The following MYO19 variants were observed in gnomAD, a reference collection of about 807,000 sequenced individuals.
MYO19 encodes myosin XIX, also known as unconventional myosin-XIX.
MYO19 carries 132 observed loss-of-function variants against 129.2 expected under a neutral mutation model. The observed-to-expected ratio is 1.02, with a 90% CI of 0.89 to 1.18. MYO19 has a LOEUF of 1.18. Ranked by LOEUF, MYO19 falls within the 50% of genes most tolerant of loss-of-function variation. MYO19 has a pLI of 0.00. For missense variants in MYO19, 1,210 were observed against 1,216.7 expected (o/e 0.99, Z 0.08); for synonymous variants, 531 against 477.2 (o/e 1.11, Z -1.47).
In MYO19 at chr17:36,532,608, G is replaced by A; in HGVS notation, c.-70C>T. The A allele has an allele frequency of 6.5e-7, 1 of 1,532,874 alleles. No homozygotes were observed. 95.0% of individuals were successfully genotyped at this position (1,532,874 alleles called of 1,614,324 possible). ...CAAGGAGTACTATCCACCTAGTCAT[G>A]GGACCATGGGCTGGGGTATGGTTCC... On this transcript the variant is annotated 5_prime_UTR_variant, in exon 3 of 26. Coordinates refer to ENST00000614623, the MANE Select transcript of MYO19 (RefSeq NM_001163735.2).
At chr17:36,541,710 T>G (rs556565883) in intron 2 of MYO19, among the ~76,000 whole-genome samples, 3 of 152,224 alleles carry the variant, frequency 2.0e-5, no homozygotes, top group African/African-American at 7.2e-5. Flanking sequence ...AATGAAATAA[T>G]AGGCAACAGA....
At position 36,506,536 on chromosome 17, in the gene MYO19, T is replaced by C. The variant is rs751134464; in HGVS notation, c.1717A>G (p.Thr573Ala). The C allele has an allele frequency of 8.8e-6, 14 of 1,598,582 alleles. No individual in the cohort carries two copies. The highest frequency in any genetic ancestry group is 1.1e-5 in the South Asian group (1 of 88,816). The change falls in exon 18 of 26, where the codon ACT (threonine) becomes GCT (alanine). Residue 573 changes from threonine to alanine, a missense_variant. Coordinates refer to ENST00000614623, the MANE Select transcript of MYO19 (RefSeq NM_001163735.2). The part of the protein sequence containing the change: ...QDPLLMGLFP[T>A]NPKEKTQEEP... ...TCCTGGGTCTTCTCTTTGGGGTTAG[T>C]AGGAAACAGCCCCATGAGCAGGGGG...
In MYO19 at chr17:36,514,480, G is replaced by C. The variant is rs1056057272; in HGVS notation, c.686C>G (p.Ala229Gly). ...LLEKTRVACQ[A>G]SSERNFHIFY... ...GATGTGGAAGTTCCTCTCACTGGAA[G>C]CCTGGCAGGCCACTCGAGTTTTCTC... The change falls in exon 9 of 26, where the codon GCT becomes GGT. Residue 229 changes from alanine (A) to glycine (G), a missense_variant. Coordinates refer to ENST00000614623, the MANE Select transcript of MYO19 (RefSeq NM_001163735.2). The C allele has an allele frequency of 6.2e-7, 1 of 1,613,472 alleles. No homozygotes were observed. The highest frequency in any genetic ancestry group is 1.3e-5 in the African/African-American group (1 of 74,928).
At chr17:36,505,540 G>A in intron 18 of MYO19, 136 bp from the exon 19 acceptor site, 1 of 638,238 alleles carries the variant, frequency 1.6e-6, no homozygotes, top group Non-Finnish European at 2.8e-6. Context: ...TCCTGTGCAG[G>A]GATGACTGCT....
intron 4 of MYO19, 83 bp from the exon 5 acceptor site, chr17:36,527,782 C>T: frequency 1.4e-6 from 2 of 1,421,566 alleles, no homozygotes; most frequent in Non-Finnish European, 1.9e-6. Flanking sequence ...TAAGTAACAG[C>T]CCTCTTTCTG....
chr17:36,505,342 G>A lies in MYO19; in HGVS notation c.1860C>T (p.Ile620=). Residue 620 remains isoleucine (I), a synonymous_variant, in exon 19 of 26, where the codon ATC becomes ATT. Transcript: ENST00000614623. The stretch of plus-strand genomic sequence containing the variant: ...GCGCCTGGCCCTGGCTGTTGGGCTT[G>A]ATGCAGCGAATGTAGTGGGGCGTGG... The part of the protein sequence containing the change: ...HSTTPHYIRC[I]KPNSQGQAQT... 6.2e-7 allele frequency: 1 copy of A among 1,614,246 alleles called. No homozygotes were observed. The highest frequency in any genetic ancestry group is 8.5e-7 in the Non-Finnish European group (1 of 1,180,042).
intron 13 of MYO19, among the ~76,000 whole-genome samples, chr17:36,510,458 T>C (rs1390831507): frequency 6.6e-6 from 1 of 152,234 alleles, no homozygotes; most frequent in Non-Finnish European, 1.5e-5. Flanking sequence ...GCAGGTTCTC[T>C]TCACCTTGCT....
At chr17:36,504,307 A>G in intron 19 of MYO19, 1 of 411,284 alleles carries the variant, frequency 2.4e-6, no homozygotes, top group Non-Finnish European at 4.3e-6. Context: ...CCCTGCCCTC[A>G]GTGTAGTCTC....
At chr17:36,517,212 A>G (rs1419553397) in intron 6 of MYO19, among the ~76,000 whole-genome samples, 1 of 152,132 alleles carries the variant, frequency 6.6e-6, no homozygotes, top group East Asian at 1.9e-4. Context: ...CTGGTGATTT[A>G]CATCTTTTTT....
intron 23 of MYO19, chr17:36,500,523 A>C: frequency 2.8e-6 from 1 of 352,974 alleles, no homozygotes; most frequent in Non-Finnish European, 5.2e-6. Context: ...AGTTGTCATA[A>C]AGGGAAAAAA....
rs761019363 is a variant in MYO19, at chr17:36,505,203, A to C, written c.1905+94T>G. The C allele has an allele frequency of 8.1e-6, 9 of 1,114,564 alleles. No homozygotes were observed. The East Asian group carries it at 2.1e-4, about 26-fold the overall frequency. 69.0% of individuals were successfully genotyped at this position (1,114,564 alleles called of 1,614,324 possible). On this transcript the variant is annotated intron_variant, in intron 19 of 25. Transcript: ENST00000614623. ...CTGGCCGGAGAGACCACTTCTGTGC[A>C]CTCCATTTGGAACAGATGTCCTGCC... is the stretch of plus-strand genomic sequence containing the variant.
intron 6 of MYO19, among the ~76,000 whole-genome samples, chr17:36,518,981 G>T (rs2072979639): frequency 6.6e-6 from 1 of 152,010 alleles, no homozygotes; most frequent in Admixed American, 6.6e-5. Context: ...TAATCTTTTT[G>T]TTTTTTGTTT....
In MYO19 at chr17:36,506,564, C is replaced by T. The variant is rs572007132; in HGVS notation, c.1689G>A (p.Gln563=). ...PELTRLLQQS[Q]DPLLMGLFPT... is the part of the protein sequence containing the mutation. ...GAAACAGCCCCATGAGCAGGGGGTC[C>T]TGGGATTGCTGCAGGAGCCTGGTCA... Residue 563 remains glutamine (Q), a synonymous_variant, in exon 18 of 26, where the codon CAG becomes CAA. Transcript: ENST00000614623. 4.6e-5 allele frequency: 72 copies of T among 1,570,842 alleles called. No individual in the cohort carries two copies. Among genetic ancestry groups the T allele is most frequent in the Non-Finnish European group, 6.0e-5 (70 of 1,163,504 alleles).
intron 11 of MYO19, among the ~76,000 whole-genome samples, chr17:36,512,358 T>C (rs2072405878): frequency 7.2e-6 from 1 of 139,264 alleles, no homozygotes; most frequent in Non-Finnish European, 1.5e-5. Flanking sequence ...CACTGCACTC[T>C]AGACTGGGCA....
upstream of MYO19, chr17:36,538,288 G>C: frequency 6.2e-7 from 1 of 1,613,234 alleles, no homozygotes; most frequent in Non-Finnish European, 8.5e-7. Context: ...ATAATTTTGA[G>C]TTTTGCCAAA....
chr17:36,501,089 C>T lies in MYO19; in HGVS notation c.2227G>A (p.Val743Met), dbSNP rs1431272338. Reference sequence around the variant, plus strand: ...CTCACCATAGAGTCAGTCATGAACACCTTGGTCCTGCCACAGTGCATGGGG... The same window carrying T: ...CTCACCATAGAGTCAGTCATGAACATCTTGGTCCTGCCACAGTGCATGGGG... ...PAPMHCGRTK[V>M]FMTDSMLELL... is the part of the protein sequence containing the mutation. Residue 743 changes from valine (V) to methionine (M), a missense_variant, in exon 22 of 26, where the codon GTG (valine) becomes ATG (methionine). Transcript: ENST00000614623. 1.9e-6 allele frequency: 3 copies of T among 1,613,396 alleles called. No individual in the cohort carries two copies. The highest frequency in any genetic ancestry group is 2.2e-5 in the South Asian group (2 of 90,970).
chr17:36,538,095 C>T (rs141448923), upstream of MYO19: 6 of 1,614,090 alleles, frequency 3.7e-6, no homozygotes, highest in African/African-American at 8.0e-5. Context: ...GAACCGATCA[C>T]ATATCAAAGA....
chr17:36,500,724 C>T lies in MYO19; in HGVS notation c.2377+106G>A, dbSNP rs562896436. On this transcript the variant is annotated intron_variant, in intron 23 of 25. Transcript: ENST00000614623. ...CACACCACAGGGACATCTCTTCAGGCTGGGACACAGCTTCAGGAGATGGGG... is the reference window on the plus strand; with the variant it reads ...CACACCACAGGGACATCTCTTCAGGTTGGGACACAGCTTCAGGAGATGGGG... The T allele has an allele frequency of 6.2e-6, 9 of 1,441,880 alleles. No homozygotes were observed. The East Asian group carries it at 2.2e-4, about 35-fold the overall frequency. 89.3% of individuals were successfully genotyped at this position (1,441,880 alleles called of 1,614,324 possible).
chr17:36,537,849 C>A, upstream of MYO19: 6 of 1,614,054 alleles, frequency 3.7e-6, no homozygotes, highest in Non-Finnish European at 5.1e-6. Context: ...ATTGATAACA[C>A]CACTGCTGTT....
Sources: allele counts gnomAD v4.1 joint callset (sites outside exome capture counted in the v4.1 genomes callset), GRCh38; gene constraint gnomAD v4.1.1; transcripts MANE v1.5; gene names NCBI Gene and HGNC (gene_info 2026-07-23, HGNC 2026-07-21).